The following RALYL variants were observed in gnomAD, a reference collection of about 807,000 sequenced individuals.
RALYL encodes RALY RNA binding protein like, also known as RNA-binding Raly-like protein.
In RALYL, 29 loss-of-function variants were observed where a neutral mutation model predicts 35.1. The observed-to-expected ratio is 0.83, with a 90% CI of 0.61 to 1.13. The LOEUF (loss-of-function observed/expected upper bound fraction) is 1.13. Ranked by LOEUF, RALYL falls within the 50% of genes most tolerant of loss-of-function variation. The probability of loss-of-function intolerance (pLI) is 0.00; values close to 1 mark genes in which losing one functional copy is unlikely to be tolerated. For missense variants in RALYL, 359 were observed against 360.4 expected (o/e 1.00, Z 0.03); for synonymous variants, 120 against 127.6 (o/e 0.94, Z 0.40).
At chr8:84,425,783 C>CTATGTGTGTGTGTGTG (rs372367035) in intron 1 of RALYL, among the ~76,000 whole-genome samples, 26 of 144,594 alleles carry the variant, frequency 1.8e-4, no homozygotes, top group African/African-American at 6.2e-4. Context: ...AGTTTTTCTT[C>CTATGTGTGTGTGTGTG]TGTGTGTGTG....
chr8:84,908,853 C>A (rs946634747), intron 8 of RALYL, among the ~76,000 whole-genome samples: 23 of 151,868 alleles, frequency 1.5e-4, no homozygotes, highest in African/African-American at 5.3e-4. Flanking sequence ...CTGGATGTCA[C>A]CCTCCAGCAC....
intron 2 of RALYL, among the ~76,000 whole-genome samples, chr8:84,624,848 T>A (rs1822377442): frequency 6.6e-6 from 1 of 152,200 alleles, no homozygotes; most frequent in East Asian, 1.9e-4. Flanking sequence ...GATGTTTCAA[T>A]GTAACCTTCA....
chr8:84,731,944 T>C (rs1246231291), intron 2 of RALYL, among the ~76,000 whole-genome samples: 1 of 152,054 alleles, frequency 6.6e-6, no homozygotes, highest in Non-Finnish European at 1.5e-5. Flanking sequence ...CTGTTCCCTT[T>C]CCTAAAACAT....
chr8:84,750,684 T>G (rs1036839755), intron 2 of RALYL, among the ~76,000 whole-genome samples: 1 of 152,086 alleles, frequency 6.6e-6, no homozygotes, highest in Non-Finnish European at 1.5e-5. Context: ...TAATGGGTTA[T>G]TATGGAAGTG....
intron 1 of RALYL, among the ~76,000 whole-genome samples, chr8:84,242,005 C>T (rs1360824372): frequency 2.6e-5 from 4 of 152,118 alleles, no homozygotes; most frequent in Non-Finnish European, 5.9e-5. Context: ...TCCTTCCTCC[C>T]TCCCACACCC....
chr8:84,346,815 G>C (rs1322663633), intron 1 of RALYL, among the ~76,000 whole-genome samples: 2 of 152,016 alleles, frequency 1.3e-5, no homozygotes, highest in Non-Finnish European at 2.9e-5. Flanking sequence ...ACAATCCATA[G>C]CTTGAAAGTA....
intron 1 of RALYL, among the ~76,000 whole-genome samples, chr8:84,461,684 C>CA (rs550003702): frequency 1.9e-3 from 285 of 151,634 alleles, no homozygotes; most frequent in Middle Eastern, 0.01. Flanking sequence ...TTCTTCATGG[C>CA]AAAAAATAAT....
chr8:84,731,809 C>T (rs1846228317), intron 2 of RALYL, among the ~76,000 whole-genome samples: 1 of 152,116 alleles, frequency 6.6e-6, no homozygotes, highest in Non-Finnish European at 1.5e-5. Context: ...AAACCAAAGT[C>T]CTTCAGTGAC....
At chr8:84,401,865 A>T in intron 1 of RALYL, among the ~76,000 whole-genome samples, 1 of 147,216 alleles carries the variant, frequency 6.8e-6, no homozygotes, top group Non-Finnish European at 1.5e-5. Flanking sequence ...TTCTGGATTT[A>T]TTTGGTCATG....
chr8:84,907,686 G>A (rs1412913709), intron 8 of RALYL, among the ~76,000 whole-genome samples: 1 of 151,876 alleles, frequency 6.6e-6, no homozygotes, highest in Admixed American at 6.6e-5. Context: ...CTTTTGGTTT[G>A]TGCCAAATCT....
At chr8:84,784,087 T>C (rs1337041316) in intron 3 of RALYL, among the ~76,000 whole-genome samples, 1 of 152,146 alleles carries the variant, frequency 6.6e-6, no homozygotes, top group African/African-American at 2.4e-5. Flanking sequence ...TGATGGAAAG[T>C]TCCTCTTTTT....
intron 1 of RALYL, among the ~76,000 whole-genome samples, chr8:84,344,463 A>G (rs967642583): frequency 3.9e-5 from 6 of 151,942 alleles, no homozygotes; most frequent in African/African-American, 1.4e-4. Context: ...GATTGCATTA[A>G]CCTGCTTTTA....
chr8:84,353,611 A>G (rs1240204106), intron 1 of RALYL, among the ~76,000 whole-genome samples: 1 of 150,266 alleles, frequency 6.7e-6, no homozygotes, highest in Non-Finnish European at 1.5e-5. Flanking sequence ...GTCACTGAGA[A>G]AGTATGAATC....
chr8:84,184,948 T>G, intron 1 of RALYL: 3 of 1,612,524 alleles, frequency 1.9e-6, no homozygotes, highest in South Asian at 2.2e-5. Context: ...TCCAGAGCCT[T>G]GAGGATGGCA....
chr8:84,787,599 T>C (rs1296165603), intron 3 of RALYL, among the ~76,000 whole-genome samples: 1 of 152,232 alleles, frequency 6.6e-6, no homozygotes, highest in Non-Finnish European at 1.5e-5. Flanking sequence ...ATTGCCACAC[T>C]GTCTTCCACA....
chr8:84,876,023 A>G (rs1841062396), intron 7 of RALYL, among the ~76,000 whole-genome samples: 1 of 152,154 alleles, frequency 6.6e-6, no homozygotes, highest in African/African-American at 2.4e-5. Flanking sequence ...GTCAAGTTCC[A>G]TAGTATCTTT....
intron 3 of RALYL, among the ~76,000 whole-genome samples, chr8:84,803,621 A>C (rs1426581455): frequency 6.6e-6 from 1 of 152,152 alleles, no homozygotes; most frequent in Non-Finnish European, 1.5e-5. Context: ...GTCCAAAGGG[A>C]TTGCTAAGGC....
chr8:84,746,396 T>A (rs1808613666), intron 2 of RALYL, among the ~76,000 whole-genome samples: 1 of 152,004 alleles, frequency 6.6e-6, no homozygotes, highest in Non-Finnish European at 1.5e-5. Flanking sequence ...CTCACCTTCC[T>A]GAAATTCTCA....
intron 2 of RALYL, among the ~76,000 whole-genome samples, chr8:84,585,862 T>C (rs1290186159): frequency 6.6e-6 from 1 of 152,060 alleles, no homozygotes; most frequent in East Asian, 1.9e-4. Context: ...ATGCTGAGAC[T>C]GGGATCAGGC....
Sources: allele counts gnomAD v4.1 joint callset (sites outside exome capture counted in the v4.1 genomes callset), GRCh38; gene constraint gnomAD v4.1.1; transcripts MANE v1.5; gene names NCBI Gene and HGNC (gene_info 2026-07-23, HGNC 2026-07-21).